Variants in KIAA1549L observed in about 807,000 individuals in gnomAD.
KIAA1549L encodes the protein KIAA1549 like.
KIAA1549L carries 88 observed loss-of-function variants against 160.7 expected under a neutral mutation model. The observed-to-expected ratio is 0.55, with a 90% CI of 0.46 to 0.65. The LOEUF (loss-of-function observed/expected upper bound fraction) is 0.65, where lower values mean the gene tolerates loss of function less well. KIAA1549L is among the 30% of genes least tolerant of loss of function. KIAA1549L has a pLI of 0.00. For synonymous variants in KIAA1549L, 950 were observed against 976.7 expected (o/e 0.97, Z 0.51); for missense variants, 2,258 against 2,437.5 (o/e 0.93, Z 1.55).
intron 1 of KIAA1549L, among the ~76,000 whole-genome samples, chr11:33,518,852 G>A (rs1853416573): frequency 6.6e-6 from 1 of 152,132 alleles, no homozygotes; most frequent in Non-Finnish European, 1.5e-5. Context: ...TCAGGTTTCA[G>A]ATATGTTTTG....
intron 16 of KIAA1549L, among the ~76,000 whole-genome samples, chr11:33,625,475 A>G (rs940070153): frequency 6.6e-6 from 1 of 152,030 alleles, no homozygotes; most frequent in African/African-American, 2.4e-5. Flanking sequence ...ATGGTATCTC[A>G]TTGTGGTTTT....
intron 8 of KIAA1549L, among the ~76,000 whole-genome samples, chr11:33,565,655 C>G (rs996410026): frequency 6.6e-6 from 1 of 151,598 alleles, no homozygotes; most frequent in African/African-American, 2.4e-5. Context: ...CCAGTTGATC[C>G]CCTGTAACTC....
intron 15 of KIAA1549L, among the ~76,000 whole-genome samples, chr11:33,614,547 TATATATATATATATATATATATATATATA>T (rs1850735311): frequency 2.5e-4 from 3 of 11,776 alleles, no homozygotes; most frequent in Non-Finnish European, 3.9e-4. Context: ...TATATATATA[TATATATATATATATATATATATATATATA>T]TATATATATT....
At chr11:33,397,217 C>T (rs1850395109) in intron 1 of KIAA1549L, among the ~76,000 whole-genome samples, 1 of 144,416 alleles carries the variant, frequency 6.9e-6, no homozygotes, top group South Asian at 2.2e-4. Context: ...GCCTGTAGTC[C>T]CAGCTACTTA....
chr11:33,547,653 A>G, intron 3 of KIAA1549L, 111 bp from the exon 4 acceptor site: 2 of 685,400 alleles, frequency 2.9e-6, no homozygotes, highest in South Asian at 1.8e-5. Flanking sequence ...CCCTGTGCTT[A>G]CCGGCTCTGC....
intron 6 of KIAA1549L, 150 bp from the exon 7 acceptor site, chr11:33,559,599 G>A: frequency 1.6e-6 from 1 of 643,228 alleles, no homozygotes; most frequent in Non-Finnish European, 2.7e-6. Flanking sequence ...AATGATGACG[G>A]TTACTCTTGT....
intron 1 of KIAA1549L, among the ~76,000 whole-genome samples, chr11:33,477,387 T>C (rs1310011003): frequency 1.3e-5 from 2 of 152,214 alleles, no homozygotes. Flanking sequence ...AAATGTTCTC[T>C]CTGACCTTCT....
intron 1 of KIAA1549L, among the ~76,000 whole-genome samples, chr11:33,522,512 C>T (rs917098885): frequency 2.0e-5 from 3 of 152,046 alleles, no homozygotes; most frequent in Non-Finnish European, 4.4e-5. Context: ...TTCAGTAGAC[C>T]ACTTTTCTTG....
intron 16 of KIAA1549L, among the ~76,000 whole-genome samples, chr11:33,641,641 G>T (rs1449783957): frequency 1.7e-5 from 2 of 120,272 alleles, no homozygotes; most frequent in Non-Finnish European, 3.4e-5. Flanking sequence ...TATACACAGT[G>T]GGTAAGAGCT....
chr11:33,586,251 C>T (rs778385321), intron 11 of KIAA1549L, among the ~76,000 whole-genome samples: 13 of 152,214 alleles, frequency 8.5e-5, no homozygotes, highest in South Asian at 2.1e-4. Context: ...AGGGCACTCC[C>T]GGGGATCCTT....
chr11:33,480,266 A>G (rs61117920), intron 1 of KIAA1549L, among the ~76,000 whole-genome samples: 2,675 of 152,206 alleles, frequency 0.018, 76 homozygotes, highest in African/African-American at 0.061. Context: ...GCAACCGCCA[A>G]TCTCCTTTCT....
chr11:33,484,692 G>A (rs1202708908), intron 1 of KIAA1549L, among the ~76,000 whole-genome samples: 2 of 152,160 alleles, frequency 1.3e-5, no homozygotes, highest in African/African-American at 4.8e-5. Context: ...GCGTCTGCTG[G>A]TGTGGAAAGC....
At chr11:33,642,847 T>C (rs1167621681) in intron 16 of KIAA1549L, among the ~76,000 whole-genome samples, 1 of 152,214 alleles carries the variant, frequency 6.6e-6, no homozygotes, top group Non-Finnish European at 1.5e-5. Context: ...AACTTCTATC[T>C]ATCTAACAAG....
chr11:33,541,414 C>G (rs76245987), intron 1 of KIAA1549L, among the ~76,000 whole-genome samples: 3,134 of 152,268 alleles, frequency 0.021, 121 homozygotes, highest in African/African-American at 0.072. Flanking sequence ...ATACACAGTT[C>G]TTCTTTAGTT....
At chr11:33,665,496 G>A (rs118071886) in intron 20 of KIAA1549L, 2,308 of 152,300 alleles carry the variant, frequency 0.015, 24 homozygotes, top group African/African-American at 0.03. Context: ...GTTCCTCTCT[G>A]CTGCTGGTTG....
intron 1 of KIAA1549L, among the ~76,000 whole-genome samples, chr11:33,387,798 T>C (rs1211607314): frequency 1.3e-5 from 2 of 152,186 alleles, no homozygotes; most frequent in African/African-American, 4.8e-5. Flanking sequence ...TCTTCCCTTC[T>C]TCCCCCATCC....
chr11:33,497,921 G>C (rs941155194), intron 1 of KIAA1549L, among the ~76,000 whole-genome samples: 3 of 152,178 alleles, frequency 2.0e-5, no homozygotes, highest in African/African-American at 7.2e-5. Context: ...TCAAATCCCA[G>C]TTCTGTCATT....
chr11:33,392,520 T>A (rs1027680954), intron 1 of KIAA1549L, among the ~76,000 whole-genome samples: 4 of 152,070 alleles, frequency 2.6e-5, no homozygotes, highest in South Asian at 2.1e-4. Context: ...TTTTCTTGAG[T>A]TTTTACAAAT....
chr11:33,638,658 T>C (rs1851507967), intron 16 of KIAA1549L, among the ~76,000 whole-genome samples: 1 of 152,174 alleles, frequency 6.6e-6, no homozygotes, highest in Non-Finnish European at 1.5e-5. Context: ...TTTGGATAAA[T>C]ATGTAGGAGT....
Sources: allele counts gnomAD v4.1 joint callset (sites outside exome capture counted in the v4.1 genomes callset), GRCh38; gene constraint gnomAD v4.1.1; transcripts MANE v1.5; gene names NCBI Gene and HGNC (gene_info 2026-07-23, HGNC 2026-07-21).